CLSTN1: variants seen among roughly 807,000 people sequenced by gnomAD.
The protein encoded by CLSTN1 is calsyntenin-1.
Under a neutral mutation model 108.3 loss-of-function variants are expected in CLSTN1, and 28 were observed. That is an observed-to-expected ratio of 0.26 (90% CI 0.19 to 0.35). The LOEUF is 0.35. Ranked by LOEUF, CLSTN1 falls within the 10% of genes least tolerant of loss-of-function variation. CLSTN1 has a pLI of 1.00. For missense variants in CLSTN1, 1,157 were observed against 1,302.6 expected, an observed-to-expected ratio of 0.89 and a Z score of 1.72; for synonymous variants, 524 against 534.9, an observed-to-expected ratio of 0.98 and a Z score of 0.28.
chr1:9,771,006 A>G (rs1372564008), intron 2 of CLSTN1, among the ~76,000 whole-genome samples: 1 of 152,130 alleles, frequency 6.6e-6, no homozygotes, highest in Admixed American at 6.5e-5. Flanking sequence ...AATAAAACAA[A>G]ACAAAATAAA....
chr1:9,767,212 G>C (rs767937602), intron 2 of CLSTN1, among the ~76,000 whole-genome samples: 1 of 152,210 alleles, frequency 6.6e-6, no homozygotes, highest in Non-Finnish European at 1.5e-5. Context: ...TTCCTCACCT[G>C]GAGAACAGGG....
chr1:9,735,693 AG>A (rs1308228335), intron 12 of CLSTN1, 78 bp from the exon 13 acceptor site: 3 of 1,585,698 alleles, frequency 1.9e-6, no homozygotes, highest in African/African-American at 2.7e-5. Flanking sequence ...GCCTCCACAA[AG>A]GGGACTGGCC....
intron 3 of CLSTN1, among the ~76,000 whole-genome samples, chr1:9,755,805 A>AC (rs1263546375): frequency 6.6e-6 from 1 of 151,812 alleles, no homozygotes; most frequent in Non-Finnish European, 1.5e-5. Flanking sequence ...TGTCAAAAAA[A>AC]AAAATCAAAG....
At chr1:9,802,087 G>A (rs968568929) in intron 1 of CLSTN1, among the ~76,000 whole-genome samples, 3 of 152,062 alleles carry the variant, frequency 2.0e-5, no homozygotes, top group Admixed American at 2.0e-4. Context: ...AGAAACTGAG[G>A]CATGTAGAGA....
At chr1:9,795,082 ATTAT>A (rs1264847523) in intron 1 of CLSTN1, among the ~76,000 whole-genome samples, 4 of 150,540 alleles carry the variant, frequency 2.7e-5, no homozygotes, top group African/African-American at 9.7e-5. Flanking sequence ...TTTTGCTTTT[ATTAT>A]TTACATTCCT....
intron 17 of CLSTN1, 91 bp from the exon 18 acceptor site, chr1:9,731,481 G>T: frequency 1.5e-6 from 2 of 1,363,604 alleles, no homozygotes; most frequent in Non-Finnish European, 2.0e-6. Flanking sequence ...GGTCAAAACG[G>T]GCTGGACAGC....
At chr1:9,735,689 A>C in intron 12 of CLSTN1, 74 bp from the exon 13 acceptor site, 1 of 1,588,098 alleles carries the variant, frequency 6.3e-7, no homozygotes, top group Non-Finnish European at 8.6e-7. Flanking sequence ...AGATGCCTCC[A>C]CAAAGGGGAC....
rs978830498 is a variant in CLSTN1, at chr1:9,734,259, C to T, written c.2111-117G>A. On this transcript the variant is annotated intron_variant, in intron 14 of 18. Coordinates refer to ENST00000377298, the MANE Select transcript of CLSTN1 (RefSeq NM_001009566.3). This position sits in a 1 kb window ranked among gnomAD's most constrained non-coding sequence, Gnocchi z 4.8. ...CCTACATGGCTCTCGTAAGGACCAA[C>T]GACAGAAGCAAGCGAGAGTTGCTTT... is the stretch of plus-strand genomic sequence containing the variant. 80 of 988,844 alleles carry T rather than the reference C, an allele frequency of 8.1e-5. No individual in the cohort carries two copies. Among genetic ancestry groups the T allele is most frequent in the Admixed American group, 2.1e-4 (9 of 43,226 alleles). The allele number at this position is 988,844 out of a possible 1,614,324, so 61.3% of individuals were successfully genotyped here. A position where few individuals can be genotyped will look rare whatever the true frequency, so the allele number is the denominator to read the frequency against.
Position 9,733,446 on chromosome 1 carries a change from G to C in CLSTN1, c.2382C>G (p.Cys794Trp), listed in dbSNP as rs1297417183. The C allele has an allele frequency of 6.2e-7, 1 of 1,614,110 alleles. No individual in the cohort carries two copies. Among genetic ancestry groups the C allele is most frequent in the African/African-American group, 1.3e-5 (1 of 74,930 alleles). The change falls in exon 16 of 19, where the codon TGC becomes TGG. Residue 794 changes from cysteine to tryptophan, a missense_variant. Cys to Trp is a radical substitution (Grantham distance 215). Coordinates refer to ENST00000377298, the MANE Select transcript of CLSTN1 (RefSeq NM_001009566.3). ...SLLDRKFKLI[C>W]SELNGRYISN... is the part of the protein sequence containing the mutation. ...TGATGTAGCGGCCATTCAGCTCTGA[G>C]CAGATGAGCTTAAACTTCCGGTCAA... is the stretch of plus-strand genomic sequence containing the variant.
intron 1 of CLSTN1, among the ~76,000 whole-genome samples, chr1:9,782,948 A>C (rs564978779): frequency 6.6e-6 from 1 of 152,354 alleles, no homozygotes; most frequent in South Asian, 2.1e-4. Flanking sequence ...CGGAGGCTGC[A>C]GTAAGCTGAG....
At chr1:9,816,007 A>G (rs745522747) in intron 1 of CLSTN1, among the ~76,000 whole-genome samples, 2 of 152,230 alleles carry the variant, frequency 1.3e-5, no homozygotes, top group Non-Finnish European at 2.9e-5. Flanking sequence ...CCACTTGGGT[A>G]TACACCCAAG....
chr1:9,799,212 T>C (rs1160217009), intron 1 of CLSTN1, among the ~76,000 whole-genome samples: 2 of 151,570 alleles, frequency 1.3e-5, no homozygotes, highest in East Asian at 2.0e-4. Context: ...ATTTTAAAAA[T>C]TGGAGACACA....
intron 3 of CLSTN1, among the ~76,000 whole-genome samples, chr1:9,756,228 G>T (rs1204085995): frequency 6.6e-6 from 1 of 152,190 alleles, no homozygotes; most frequent in Non-Finnish European, 1.5e-5. Context: ...GCAAATCTCT[G>T]AAGTTCTATT....
In CLSTN1 at chr1:9,764,637, TAAAAAAAAAAAAA is replaced by T. The variant is rs70998307; in HGVS notation, c.215-8140_215-8128del. On this transcript the variant is annotated intron_variant, in intron 2 of 18. Transcript: ENST00000377298. The stretch of plus-strand genomic sequence containing the variant: ...GGGTGATGAAGTGAGGCTCCATCTT[TAAAAAAAAAAAAA>T]AAAAAAAAAAAAAAGTTTCCACATG... 7.1e-3 allele frequency among the ~76,000 whole-genome samples: 584 copies of T among 82,346 alleles called. 13 individuals are homozygous for T. In the East Asian group the frequency reaches 0.077, roughly 11 times the overall value. The allele number at this position is 82,346 out of a possible 152,430, so 54.0% of individuals were successfully genotyped here. A position where few individuals can be genotyped will look rare whatever the true frequency, so the allele number is the denominator to read the frequency against.
rs770873661 is a variant in CLSTN1 at position 9,749,869 on chromosome 1, G to C, written c.694C>G (p.Gln232Glu). 6.2e-7 allele frequency: 1 copy of C among 1,613,858 alleles called. No individual in the cohort carries two copies. The highest frequency in any genetic ancestry group is 1.1e-5 in the South Asian group (1 of 91,076). Residue 232 changes from glutamine to glutamate, a missense_variant, in exon 6 of 19, where the codon CAA becomes GAA. By Grantham distance (29) the Gln-to-Glu change is conservative. Transcript: ENST00000377298. ...TAGGCAGTGACGGTCAGCTTATATT[G>C]ATGTTCTTTCCCGTAGTTTAATTTC... ...TEKLNYGKEH[Q>E]YKLTVTAYDC...
Position 9,748,042 on chromosome 1 carries a change from TA to T in CLSTN1, c.985+1418del, listed in dbSNP as rs59608707. Among the ~76,000 whole-genome samples, 1,100 of 134,546 alleles carry T rather than the reference TA, an allele frequency of 8.2e-3. 10 individuals carry two copies. Among genetic ancestry groups the T allele is most frequent in the East Asian group, 0.046 (213 of 4,668 alleles). 88.3% of individuals were successfully genotyped at this position (134,546 alleles called of 152,430 possible). On this transcript the variant is annotated intron_variant, in intron 7 of 18. Coordinates refer to ENST00000377298, the MANE Select transcript of CLSTN1 (RefSeq NM_001009566.3). ...CTGGGTGACAGAGTGAGACTCTGTC[TA>T]AAAAAAAAAAAAAGAAAACCAGTAA...
chr1:9,736,065 C>T (rs764100023), intron 11 of CLSTN1, 23 bp from the exon 12 acceptor site: 80 of 1,613,732 alleles, frequency 5.0e-5, no homozygotes, highest in Non-Finnish European at 2.5e-5. Flanking sequence ...GGAGAAAAGG[C>T]GAAGTCAGGC....
chr1:9,781,653 G>A (rs1012941977), intron 1 of CLSTN1, among the ~76,000 whole-genome samples: 3 of 152,060 alleles, frequency 2.0e-5, no homozygotes, highest in Non-Finnish European at 4.4e-5. Flanking sequence ...ATGTTGGTCA[G>A]GCTGGTCTTG....
chr1:9,745,210 C>CA (rs1651195015), intron 7 of CLSTN1, among the ~76,000 whole-genome samples: 1 of 121,290 alleles, frequency 8.2e-6, no homozygotes, highest in African/African-American at 3.3e-5. Context: ...GCCTGGGCAA[C>CA]AGAGCGAGAC....
Sources: gnomAD v4.1 joint callset for allele counts (sites outside exome capture counted in the v4.1 genomes callset) on GRCh38, gnomAD v4.1.1 for gene constraint, Gnocchi (gnomAD v3.1) non-coding constraint, MANE v1.5 for transcripts, NCBI Gene and HGNC (gene_info 2026-07-23, HGNC 2026-07-21) for gene names.